Variants in PROX1 observed in about 807,000 individuals in gnomAD.
The protein encoded by PROX1 is prospero homeobox 1.
In PROX1, 7 loss-of-function variants were observed where a neutral mutation model predicts 58.8. The observed-to-expected ratio is 0.12, with a 90% CI of 0.07 to 0.22. The LOEUF is 0.22. PROX1 is among the 10% of genes least tolerant of loss of function. PROX1 has a pLI of 1.00. For synonymous variants in PROX1, 350 were observed against 358.3 expected, an observed-to-expected ratio of 0.98 and a Z score of 0.26; for missense variants, 675 against 927.8, an observed-to-expected ratio of 0.73 and a Z score of 3.54.
chr1:213,987,315 T>A (rs1289628213), upstream of PROX1, among the ~76,000 whole-genome samples: 1 of 152,056 alleles, frequency 6.6e-6, no homozygotes, highest in African/African-American at 2.4e-5. Flanking sequence ...TATTTTATTG[T>A]CCACCTCCCC....
intron 1 of PROX1, among the ~76,000 whole-genome samples, chr1:213,989,391 G>T (rs340837): frequency 0.45 from 68,125 of 151,338 alleles, 16,253 homozygotes; most frequent in East Asian, 0.57. Flanking sequence ...AGGATCGCGG[G>T]CCGGGTAAGA....
intron 2 of PROX1, among the ~76,000 whole-genome samples, chr1:214,001,865 T>TAA (rs543132498): frequency 6.2e-5 from 9 of 146,144 alleles, no homozygotes; most frequent in Non-Finnish European, 1.4e-4. Flanking sequence ...GTAAGTAAAT[T>TAA]AAAAAAAAAA....
At chr1:214,020,539 GAGCCAC>G (rs968864594) in intron 4 of PROX1, among the ~76,000 whole-genome samples, 1 of 152,184 alleles carries the variant, frequency 6.6e-6, no homozygotes, top group African/African-American at 2.4e-5. Context: ...ATATCTAACA[GAGCCAC>G]AGCTTTTGTG....
At chr1:213,987,391 A>C (rs1662849096), upstream of PROX1, 1 of 151,354 alleles carries the variant, frequency 6.6e-6, no homozygotes, top group African/African-American at 2.4e-5. Flanking sequence ...AAGTGGAATG[A>C]TTTGCAGATC....
At chr1:213,989,230 A>T (rs340838) in intron 1 of PROX1, among the ~76,000 whole-genome samples, 68,370 of 151,378 alleles carry the variant, frequency 0.45, 16,405 homozygotes, top group South Asian at 0.59. Context: ...CTTGGAGGGG[A>T]GCGGTGATGG....
At chr1:213,996,429 A>T in intron 1 of PROX1, 40 bp from the exon 2 acceptor site, 1 of 1,347,000 alleles carries the variant, frequency 7.4e-7, no homozygotes, top group Non-Finnish European at 1.0e-6. Context: ...GGAGAAATTT[A>T]AAGAAAATGA....
chr1:214,040,149 T>C lies in PROX1; in HGVS notation c.*4315T>C, dbSNP rs1286982758. ...CAGTTACCGTATTGCACTTAAATGT[T>C]ATGTTGAAGGAAATGCAGTTTTGTT... On this transcript the variant is annotated 3_prime_UTR_variant, in exon 5 of 5. Coordinates refer to ENST00000366958, the MANE Select transcript of PROX1 (RefSeq NM_001270616.2). 6.6e-6 allele frequency: 1 copy of C among 152,240 alleles called. No individual in the cohort carries two copies. Among genetic ancestry groups the C allele is most frequent in the Non-Finnish European group, 1.5e-5 (1 of 68,034 alleles). 9.4% of individuals were successfully genotyped at this position (152,240 alleles called of 1,614,324 possible).
At chr1:214,034,488 A>G (rs778372602) in intron 4 of PROX1, among the ~76,000 whole-genome samples, 1 of 152,238 alleles carries the variant, frequency 6.6e-6, no homozygotes, top group African/African-American at 2.4e-5. Context: ...ACTAAAAGAA[A>G]TCTACTAAGT....
chr1:214,008,394 C>T (rs1046188870), intron 3 of PROX1, among the ~76,000 whole-genome samples: 2 of 146,530 alleles, frequency 1.4e-5, no homozygotes, highest in Admixed American at 7.0e-5. Flanking sequence ...ATTTTGCAAG[C>T]AAAAACAAAA....
chr1:214,036,121 T>G lies in PROX1; in HGVS notation c.*287T>G, dbSNP rs1296037749. 4.3e-6 allele frequency: 1 copy of G among 230,716 alleles called. No individual in the cohort carries two copies. The highest frequency in any genetic ancestry group is 8.4e-6 in the Non-Finnish European group (1 of 118,470). The allele number at this position is 230,716 out of a possible 1,614,324, so 14.3% of individuals were successfully genotyped here. A position where few individuals can be genotyped will look rare whatever the true frequency, so the allele number is the denominator to read the frequency against. ...TTCAGGGAAAAAGAATGTTGGCGTG[T>G]GTAAAGTCTCTATTAGCAATGAAGG... On this transcript the variant is annotated 3_prime_UTR_variant, in exon 5 of 5. Transcript: ENST00000366958.
At chr1:214,019,094 C>G (rs1664193767) in intron 4 of PROX1, among the ~76,000 whole-genome samples, 1 of 152,160 alleles carries the variant, frequency 6.6e-6, no homozygotes, top group South Asian at 2.1e-4. Flanking sequence ...TACTAACACA[C>G]CCACCTTACT....
chr1:213,997,962 C>A lies in PROX1; in HGVS notation c.1427C>A (p.Thr476Asn). Residue 476 changes from threonine (T) to asparagine (N), a missense_variant, in exon 2 of 5, where the codon ACC becomes AAC. This residue lies in a region of PROX1 where 403 missense variants were observed against 477.4 expected (regional missense o/e 0.84). Coordinates refer to ENST00000366958, the MANE Select transcript of PROX1 (RefSeq NM_001270616.2). This position sits in a 1 kb window ranked among gnomAD's most constrained non-coding sequence, Gnocchi z 7.1. ...QSPLSATTGF[T>N]TSTFRHPFPL... ...CCTCTCTCTGCCACCACGGGCTTCA[C>A]CACGTCCACCTTCCGCCACCCCTTC... 1 of 1,614,040 alleles carries A rather than the reference C, an allele frequency of 6.2e-7. No individual in the cohort carries two copies. Among genetic ancestry groups the A allele is most frequent in the Non-Finnish European group, 8.5e-7 (1 of 1,179,958 alleles).
intron 3 of PROX1, among the ~76,000 whole-genome samples, chr1:214,008,968 C>T (rs1412825015): frequency 1.3e-5 from 2 of 152,204 alleles, no homozygotes; most frequent in Non-Finnish European, 2.9e-5. Context: ...CGCACCAGCT[C>T]CCTGTTCACT....
At chr1:214,021,950 A>G (rs574360917) in intron 4 of PROX1, among the ~76,000 whole-genome samples, 2 of 152,236 alleles carry the variant, frequency 1.3e-5, no homozygotes, top group Non-Finnish European at 2.9e-5. Context: ...ACTTGAGTCT[A>G]TAATAATGAC....
intron 1 of PROX1, among the ~76,000 whole-genome samples, chr1:213,995,090 G>A (rs377650431): frequency 8.6e-4 from 131 of 152,164 alleles, no homozygotes; most frequent in African/African-American, 2.8e-3. Flanking sequence ...GATGGGAGCC[G>A]TTCCAGACAC....
At chr1:213,986,892 T>G (rs1275305956), upstream of PROX1, among the ~76,000 whole-genome samples, 3 of 152,206 alleles carry the variant, frequency 2.0e-5, no homozygotes, top group Non-Finnish European at 1.5e-5. Context: ...AAAGAAATTT[T>G]GCTGGTTATT....
chr1:213,991,857 G>T (rs1050528783), intron 1 of PROX1, among the ~76,000 whole-genome samples: 8 of 152,120 alleles, frequency 5.3e-5, no homozygotes, highest in Admixed American at 2.0e-4. Context: ...ATTAACAAAA[G>T]AAATTATAAA....
chr1:213,988,061 C>T lies in PROX1; in HGVS notation c.-490C>T, dbSNP rs1055516618. 1 of 152,386 alleles carries T rather than the reference C, an allele frequency of 6.6e-6. No individual in the cohort carries two copies. The highest frequency in any genetic ancestry group is 1.5e-5 in the Non-Finnish European group (1 of 68,364). 9.4% of individuals were successfully genotyped at this position (152,386 alleles called of 1,614,324 possible). On this transcript the variant is annotated 5_prime_UTR_variant, in exon 1 of 5. Coordinates refer to ENST00000366958, the MANE Select transcript of PROX1 (RefSeq NM_001270616.2). Reference sequence around the variant, plus strand: ...AGCTCTCGCCGGGTCCGCCTGCTCCCTCTCCGCTTCGCTCCTCTTCTCTTC... The same window carrying T: ...AGCTCTCGCCGGGTCCGCCTGCTCCTTCTCCGCTTCGCTCCTCTTCTCTTC...
intron 4 of PROX1, among the ~76,000 whole-genome samples, chr1:214,035,031 T>C (rs1664784167): frequency 6.6e-6 from 1 of 152,190 alleles, no homozygotes; most frequent in Non-Finnish European, 1.5e-5. Context: ...TGATGTAATA[T>C]TTTAGGATCA....
Sources: allele counts gnomAD v4.1 joint callset (sites outside exome capture counted in the v4.1 genomes callset), GRCh38; gene constraint gnomAD v4.1.1; regional missense constraint gnomAD v4.1.1; non-coding constraint Gnocchi (gnomAD v3.1); transcripts MANE v1.5; gene names NCBI Gene and HGNC (gene_info 2026-07-23, HGNC 2026-07-21).